Variants in NRDC observed in about 807,000 individuals in gnomAD.
NRDC encodes the protein nardilysin convertase, also known as nardilysin.
In NRDC, 54 loss-of-function variants were observed where a neutral mutation model predicts 147.1. The ratio of observed to expected loss-of-function variants is 0.37; its 90% CI spans 0.29 to 0.46. The LOEUF (loss-of-function observed/expected upper bound fraction) is 0.46. Among genes scored for constraint, NRDC ranks in the 20% least tolerant of loss-of-function variants. The probability of loss-of-function intolerance (pLI) is 1.00; values close to 1 mark genes in which losing one functional copy is unlikely to be tolerated. For synonymous variants in NRDC, 440 were observed against 482.1 expected, an observed-to-expected ratio of 0.91 and a Z score of 1.14; for missense variants, 1,082 against 1,370.6, an observed-to-expected ratio of 0.79 and a Z score of 3.33.
chr1:51,858,489 A>G (rs1374714043), intron 1 of NRDC, among the ~76,000 whole-genome samples: 1 of 151,306 alleles, frequency 6.6e-6, no homozygotes, highest in Non-Finnish European at 1.5e-5. Context: ...AAAAAAAAAA[A>G]GGCAAATAAA....
intron 1 of NRDC, among the ~76,000 whole-genome samples, chr1:51,846,158 T>G (rs770274581): frequency 6.6e-6 from 1 of 152,032 alleles, no homozygotes; most frequent in Non-Finnish European, 1.5e-5. Context: ...GACGCCCAGG[T>G]TGGAGTGCAG....
intron 6 of NRDC, among the ~76,000 whole-genome samples, chr1:51,824,419 C>T (rs906813053): frequency 2.0e-5 from 3 of 152,018 alleles, no homozygotes; most frequent in African/African-American, 7.2e-5. Flanking sequence ...CCACCGCGCC[C>T]GGCTATCTAA....
At chr1:51,818,204 TA>T in intron 9 of NRDC, 69 bp from the exon 10 acceptor site, 2 of 961,680 alleles carry the variant, frequency 2.1e-6, no homozygotes, top group South Asian at 1.7e-5. Flanking sequence ...CAAGAATGTT[TA>T]AAATTCAATA....
intron 1 of NRDC, 89 bp downstream of exon 1, chr1:51,878,186 T>C (rs1180976953): frequency 2.3e-5 from 34 of 1,479,340 alleles, no homozygotes; most frequent in Admixed American, 1.6e-4. Context: ...TGTTGCTCCA[T>C]TGGGAGACAT....
chr1:51,878,450 C>A lies in NRDC; in HGVS notation c.166G>T (p.Ala56Ser), dbSNP rs150662786. Residue 56 changes from alanine to serine, a missense_variant, in exon 1 of 31, where the codon GCG becomes TCG. Transcript: ENST00000352171. ...TCAGGGCAGCTGCAGGTAGACTTCG[C>A]CTTGTTCCTTCCAGGCATGGCCAGA... ...PILAMPGRNK[A>S]KSTCSCPDLQ... 53 of 1,613,952 alleles carry A rather than the reference C, an allele frequency of 3.3e-5. No individual in the cohort carries two copies. Among genetic ancestry groups the A allele is most frequent in the Non-Finnish European group, 4.5e-5 (53 of 1,180,040 alleles).
At position 51,789,267 on chromosome 1, in the gene NRDC, T is replaced by TTGAG; in HGVS notation, c.3421_3424dup (p.Asn1142ThrfsTer8). On this transcript the variant is annotated frameshift_variant, in exon 31 of 31. Coordinates refer to ENST00000352171, the MANE Select transcript of NRDC (RefSeq NM_001101662.2). LOFTEE classifies it high-confidence loss of function. ...GACTATTTTATGGTAGGGGAGAAGG[T>TTGAG]TGAGTGTTGTTGTGAAAGCCCTGAT... The TTGAG allele has an allele frequency of 6.2e-7, 1 of 1,614,076 alleles. No homozygotes were observed. Among genetic ancestry groups the TTGAG allele is most frequent in the Non-Finnish European group, 8.5e-7 (1 of 1,179,982 alleles).
At chr1:51,836,093 A>G (rs759594382) in intron 3 of NRDC, 38 bp downstream of exon 3, 2 of 1,548,118 alleles carry the variant, frequency 1.3e-6, no homozygotes, top group Non-Finnish European at 1.8e-6. Flanking sequence ...GGAGGGGGGA[A>G]AAAAACACAC....
intron 20 of NRDC, chr1:51,800,960 T>A: frequency 3.8e-6 from 1 of 264,150 alleles, no homozygotes; most frequent in Non-Finnish European, 7.1e-6. Context: ...TACTCCCACC[T>A]CAGCCTCCTG....
At chr1:51,847,467 CCACGGCGGGGTGGGAGGCTCAGG>C (rs1427252566) in intron 1 of NRDC, among the ~76,000 whole-genome samples, 2 of 152,222 alleles carry the variant, frequency 1.3e-5, no homozygotes, top group Admixed American at 1.3e-4. Context: ...GTGCAGGAGA[CCACGGCGGGGTGGGAGGCTCAGG>C]CACGGCGGGC....
Position 51,803,851 on chromosome 1 carries a change from A to G in NRDC, c.2276T>C (p.Leu759Ser), listed in dbSNP as rs1162045426. The G allele has an allele frequency of 1.2e-6, 2 of 1,613,772 alleles. No homozygotes were observed. Among genetic ancestry groups the G allele is most frequent in the Admixed American group, 3.3e-5 (2 of 59,984 alleles). Residue 759 changes from leucine to serine, a missense_variant, in exon 20 of 31, where the codon TTA becomes TCA. Transcript: ENST00000352171. ...GTTAAATCCTTTCACTCGAATAATT[A>G]AACCATGTTCTCCAGCTACCAGTTT... Reference protein sequence around the residue: ...EYKLVAGEHGLIIRVKGFNHK... With the variant: ...EYKLVAGEHGSIIRVKGFNHK...
At chr1:51,791,967 G>C (rs1298188625) in intron 26 of NRDC, 79 bp downstream of exon 26, 4 of 1,422,630 alleles carry the variant, frequency 2.8e-6, no homozygotes, top group African/African-American at 2.8e-5. Context: ...AGGCTGCTCA[G>C]TAGGGATATC....
intron 1 of NRDC, among the ~76,000 whole-genome samples, chr1:51,843,336 C>G (rs1045467069): frequency 2.6e-5 from 4 of 151,918 alleles, no homozygotes; most frequent in African/African-American, 9.6e-5. Context: ...AAAACCCAAC[C>G]CCTGTTTACC....
chr1:51,808,800 C>T (rs1019775441), intron 17 of NRDC, among the ~76,000 whole-genome samples: 1 of 152,178 alleles, frequency 6.6e-6, no homozygotes, highest in Non-Finnish European at 1.5e-5. Context: ...AGTAGACAGG[C>T]AGATATCTGA....
intron 21 of NRDC, 190 bp from the exon 22 acceptor site, chr1:51,798,601 TAAAC>T (rs1679044278): frequency 2.0e-6 from 1 of 511,998 alleles, no homozygotes; most frequent in Non-Finnish European, 3.4e-6. Flanking sequence ...ACACAAACTT[TAAAC>T]AAATTTACTT....
At chr1:51,861,265 CTTT>C (rs71063057) in intron 1 of NRDC, among the ~76,000 whole-genome samples, 6 of 108,080 alleles carry the variant, frequency 5.6e-5, no homozygotes, top group Non-Finnish European at 1.8e-5. Context: ...AGTGGTATTA[CTTT>C]TTTTTTTTTT....
Position 51,819,872 on chromosome 1 carries a change from C to T in NRDC, c.1219G>A (p.Gly407Arg). Residue 407 changes from glycine to arginine, a missense_variant and splice_region_variant, in exon 9 of 31, where the codon GGG becomes AGG. Transcript: ENST00000352171. ...TEIFSQIPNN[G>R]LPRPNFGHLT... ...TGGCCAAAGTTTGGTCTGGGTAACC[C>T]ACTGAAAATAAAACAAATACATACA... The T allele has an allele frequency of 6.2e-7, 1 of 1,604,860 alleles. No individual in the cohort carries two copies. Among genetic ancestry groups the T allele is most frequent in the Non-Finnish European group, 8.5e-7 (1 of 1,174,966 alleles).
chr1:51,815,021 C>T (rs1000184365), intron 11 of NRDC, among the ~76,000 whole-genome samples: 4 of 152,068 alleles, frequency 2.6e-5, no homozygotes, highest in African/African-American at 9.7e-5. Flanking sequence ...TTAGGAATCA[C>T]CAGAAGGAAA....
At chr1:51,834,837 T>C (rs958476739) in intron 3 of NRDC, among the ~76,000 whole-genome samples, 1 of 152,182 alleles carries the variant, frequency 6.6e-6, no homozygotes, top group Non-Finnish European at 1.5e-5. Context: ...GCAGATTAAC[T>C]GCTACTGCTG....
intron 1 of NRDC, among the ~76,000 whole-genome samples, chr1:51,842,848 T>C (rs1191719626): frequency 6.6e-6 from 1 of 151,942 alleles, no homozygotes; most frequent in African/African-American, 2.4e-5. Context: ...GGTAGATTGC[T>C]GGAGTCCAGG....
Sources: allele counts gnomAD v4.1 joint callset (sites outside exome capture counted in the v4.1 genomes callset), GRCh38; gene constraint gnomAD v4.1.1; transcripts MANE v1.5; gene names NCBI Gene and HGNC (gene_info 2026-07-23, HGNC 2026-07-21).